The following NUDCD1 variants were observed in gnomAD, a reference collection of about 807,000 sequenced individuals.
The protein encoded by NUDCD1 is NudC domain containing 1, also known as nudC domain-containing protein 1.
Under a neutral mutation model 67.8 loss-of-function variants are expected in NUDCD1, and 60 were observed. The ratio of observed to expected loss-of-function variants is 0.88; its 90% CI spans 0.72 to 1.10. The LOEUF (loss-of-function observed/expected upper bound fraction) is 1.10. Ranked by LOEUF, NUDCD1 falls within the 50% of genes least tolerant of loss-of-function variation. The probability of loss-of-function intolerance (pLI) is 0.00; values close to 1 mark genes in which losing one functional copy is unlikely to be tolerated. For synonymous variants in NUDCD1, 244 were observed against 230.8 expected (o/e 1.06, Z -0.52); for missense variants, 643 against 695.0 (o/e 0.93, Z 0.84).
chr8:109,326,739 A>G (rs1313040937), intron 1 of NUDCD1, among the ~76,000 whole-genome samples: 1 of 152,162 alleles, frequency 6.6e-6, no homozygotes, highest in Admixed American at 6.5e-5. Flanking sequence ...TTTTTCACAC[A>G]TGAAAACCAC....
rs1304707194 is a variant in NUDCD1 at position 109,241,035 on chromosome 8, T to C, written c.*1974A>G. 1 of 152,160 alleles carries C rather than the reference T, an allele frequency of 6.6e-6. No homozygotes were observed. Among genetic ancestry groups the C allele is most frequent in the Non-Finnish European group, 1.5e-5 (1 of 68,022 alleles). 9.4% of individuals were successfully genotyped at this position (152,160 alleles called of 1,614,324 possible). On this transcript the variant is annotated 3_prime_UTR_variant, in exon 10 of 10. Coordinates refer to ENST00000239690, the MANE Select transcript of NUDCD1 (RefSeq NM_032869.4). ...TACTATATTCTTAGCACTTGTAGTA[T>C]ATATCTCAATGTTCTAAGTATATGT... is the stretch of plus-strand genomic sequence containing the variant.
chr8:109,331,705 GT>G (rs1331738677), intron 1 of NUDCD1, among the ~76,000 whole-genome samples: 1 of 152,118 alleles, frequency 6.6e-6, no homozygotes, highest in African/African-American at 2.4e-5. Flanking sequence ...CTTTTTTGGT[GT>G]TAAAATATCC....
At position 109,334,017 on chromosome 8, in the gene NUDCD1, C is replaced by G. The variant is rs751938503; in HGVS notation, c.-7G>C. The G allele has an allele frequency of 2.5e-6, 4 of 1,614,032 alleles. No homozygotes were observed. Among genetic ancestry groups the G allele is most frequent in the Non-Finnish European group, 3.4e-6 (4 of 1,180,018 alleles). The stretch of plus-strand genomic sequence containing the variant: ...AATTAGCCGCCACCTCCATCGCTTT[C>G]CAGGGCCGCAGCGTGAGAATTAATA... On this transcript the variant is annotated 5_prime_UTR_variant, in exon 1 of 10. Transcript: ENST00000239690.
rs1356017962 is a variant in NUDCD1 at position 109,242,622 on chromosome 8, T to G, written c.*387A>C. The G allele has an allele frequency of 6.0e-6, 1 of 165,810 alleles. No individual in the cohort carries two copies. The highest frequency in any genetic ancestry group is 2.4e-5 in the African/African-American group (1 of 41,850). The allele number at this position is 165,810 out of a possible 1,614,324, so 10.3% of individuals were successfully genotyped here. Reference sequence around the variant, plus strand: ...ATGTACAATACTCAACATTTAACTATTATCCTGTACATCTTATAGGTACAG... The same window carrying G: ...ATGTACAATACTCAACATTTAACTAGTATCCTGTACATCTTATAGGTACAG... On this transcript the variant is annotated 3_prime_UTR_variant, in exon 10 of 10. Transcript: ENST00000239690.
chr8:109,332,016 G>GA (rs1200786961), intron 1 of NUDCD1, among the ~76,000 whole-genome samples: 6 of 152,138 alleles, frequency 3.9e-5, no homozygotes, highest in Non-Finnish European at 7.4e-5. Context: ...GCTTTCCCAT[G>GA]AATGGAATGA....
At chr8:109,324,967 G>A (rs1355945132) in intron 1 of NUDCD1, among the ~76,000 whole-genome samples, 1 of 152,106 alleles carries the variant, frequency 6.6e-6, no homozygotes, top group African/African-American at 2.4e-5. Context: ...GTGCGTGCCT[G>A]TAATTCCAAC....
chr8:109,287,465 A>G (rs930527109), intron 5 of NUDCD1, among the ~76,000 whole-genome samples: 13 of 152,186 alleles, frequency 8.5e-5, no homozygotes, highest in African/African-American at 3.1e-4. Context: ...GCCAGGTAAA[A>G]GAACAAAATC....
intron 2 of NUDCD1, among the ~76,000 whole-genome samples, chr8:109,307,389 A>G (rs1251009342): frequency 1.3e-5 from 2 of 152,342 alleles, no homozygotes; most frequent in East Asian, 3.9e-4. Context: ...GCCTGCACCC[A>G]GGTGAAATAA....
At chr8:109,324,032 A>G (rs1815605092) in intron 1 of NUDCD1, among the ~76,000 whole-genome samples, 1 of 152,170 alleles carries the variant, frequency 6.6e-6, no homozygotes, top group African/African-American at 2.4e-5. Context: ...ATAGGCAAGA[A>G]AAACAAAAAG....
intron 4 of NUDCD1, 75 bp from the exon 5 acceptor site, chr8:109,290,008 G>C (rs1320134424): frequency 1.7e-5 from 11 of 651,566 alleles, no homozygotes; most frequent in East Asian, 6.8e-5. Context: ...TTTAAAAATT[G>C]ATTTTAATTA....
chr8:109,326,563 A>G (rs932149172), intron 1 of NUDCD1, among the ~76,000 whole-genome samples: 14 of 152,350 alleles, frequency 9.2e-5, no homozygotes, highest in African/African-American at 3.1e-4. Context: ...TTTACAGAGA[A>G]GCCAGTGTAG....
chr8:109,251,790 C>A (rs959783273), intron 8 of NUDCD1, among the ~76,000 whole-genome samples: 2 of 151,950 alleles, frequency 1.3e-5, no homozygotes, highest in African/African-American at 2.4e-5. Flanking sequence ...GTTCTTCCTT[C>A]TGCTTGCTTT....
intron 8 of NUDCD1, among the ~76,000 whole-genome samples, chr8:109,255,581 T>C (rs1224697684): frequency 2.0e-5 from 3 of 151,328 alleles, no homozygotes; most frequent in South Asian, 4.2e-4. Context: ...TGATGTATCA[T>C]AACATTTTAC....
intron 2 of NUDCD1, among the ~76,000 whole-genome samples, chr8:109,305,980 A>G (rs1482835366): frequency 1.3e-5 from 2 of 152,200 alleles, no homozygotes; most frequent in African/African-American, 2.4e-5. Context: ...CCTTCATTCT[A>G]TTAGGTCTAT....
chr8:109,309,603 C>T (rs540586036), intron 2 of NUDCD1, among the ~76,000 whole-genome samples: 5 of 152,202 alleles, frequency 3.3e-5, no homozygotes, highest in African/African-American at 7.2e-5. Context: ...CTGGAAGTCC[C>T]GGCCAGAGCA....
chr8:109,283,752 C>G (rs1002017756), intron 5 of NUDCD1, among the ~76,000 whole-genome samples: 9 of 152,084 alleles, frequency 5.9e-5, no homozygotes, highest in Non-Finnish European at 1.0e-4. Context: ...TACCACTATA[C>G]CAGCCTTAAC....
intron 8 of NUDCD1, among the ~76,000 whole-genome samples, chr8:109,249,847 CTT>C (rs35856577): frequency 1.2e-4 from 16 of 133,862 alleles, no homozygotes; most frequent in Non-Finnish European, 1.3e-4. Flanking sequence ...TTGTTGAATT[CTT>C]TTTTTTTTTT....
chr8:109,261,470 A>G (rs1199809293), intron 8 of NUDCD1, among the ~76,000 whole-genome samples: 1 of 152,172 alleles, frequency 6.6e-6, no homozygotes, highest in Non-Finnish European at 1.5e-5. Flanking sequence ...GTCACAAAAG[A>G]ATACTCCAGA....
chr8:109,252,506 C>A (rs539050791), intron 8 of NUDCD1, among the ~76,000 whole-genome samples: 142 of 152,212 alleles, frequency 9.3e-4, no homozygotes, highest in African/African-American at 3.3e-3. Flanking sequence ...AGAGAACACA[C>A]CCCTTTAATC....
Sources: allele counts gnomAD v4.1 joint callset (sites outside exome capture counted in the v4.1 genomes callset), GRCh38; gene constraint gnomAD v4.1.1; transcripts MANE v1.5; gene names NCBI Gene and HGNC (gene_info 2026-07-23, HGNC 2026-07-21).